The following RORA variants were observed in gnomAD, a reference collection of about 807,000 sequenced individuals.
RORA encodes RAR related orphan receptor A, also known as nuclear receptor ROR-alpha.
A neutral mutation model predicts 69.5 loss-of-function variants in RORA; 7 were observed. The ratio of observed to expected loss-of-function variants is 0.10; its 90% CI spans 0.06 to 0.19. The LOEUF is 0.19. Ranked by LOEUF, RORA falls within the 10% of genes least tolerant of loss-of-function variation. RORA has a pLI of 1.00. For missense variants in RORA, 457 were observed against 663.0 expected (o/e 0.69, Z 3.41); for synonymous variants, 261 against 240.8 (o/e 1.08, Z -0.78).
At chr15:60,892,098 G>T (rs2073818772) in intron 1 of RORA, among the ~76,000 whole-genome samples, 2 of 152,234 alleles carry the variant, frequency 1.3e-5, no homozygotes, top group African/African-American at 4.8e-5. Flanking sequence ...GACTGCTGCA[G>T]TCAGTTACGG....
intron 2 of RORA, among the ~76,000 whole-genome samples, chr15:60,570,828 T>G (rs2067858490): frequency 1.3e-5 from 2 of 152,186 alleles, no homozygotes; most frequent in African/African-American, 2.4e-5. Flanking sequence ...GCTTTGCTGC[T>G]AAGTGTGTGA....
At chr15:61,191,812 C>T (rs979454047) in intron 1 of RORA, among the ~76,000 whole-genome samples, 4 of 152,164 alleles carry the variant, frequency 2.6e-5, no homozygotes, top group South Asian at 4.1e-4. Context: ...TCTGTAGTCT[C>T]GCATCTGTTC....
chr15:60,658,162 C>G (rs920403516), intron 2 of RORA, among the ~76,000 whole-genome samples: 7 of 151,854 alleles, frequency 4.6e-5, no homozygotes, highest in African/African-American at 1.5e-4. Flanking sequence ...ATCACTGCAG[C>G]CTCTGCCTCC....
intron 1 of RORA, 144 bp downstream of exon 1, chr15:61,228,909 A>AG (rs944237650): frequency 1.2e-4 from 20 of 165,452 alleles, no homozygotes; most frequent in Non-Finnish European, 1.6e-4. Context: ...GGGGGAGGGG[A>AG]GGGGGGTCCT....
intron 1 of RORA, among the ~76,000 whole-genome samples, chr15:60,755,056 C>T (rs1423937593): frequency 2.0e-5 from 3 of 149,808 alleles, no homozygotes; most frequent in African/African-American, 7.4e-5. Flanking sequence ...CATATGTATA[C>T]ATGTGCCATG....
chr15:61,011,372 T>TA (rs1466466050), intron 1 of RORA, among the ~76,000 whole-genome samples: 1 of 152,214 alleles, frequency 6.6e-6, no homozygotes, highest in Non-Finnish European at 1.5e-5. Context: ...GGAACTCTAA[T>TA]AATGATATCC....
rs116560363 is a variant in RORA at position 60,742,258 on chromosome 15, A to C, written c.167-63572T>G. ...TAACTTCAATGTTTGAGTGATTATA[A>C]AAATGTTATATGCTCACTTAAACAG... On this transcript the variant is annotated intron_variant, in intron 1 of 10. Transcript: ENST00000335670. Among the ~76,000 whole-genome samples, 564 of 152,340 alleles carry C rather than the reference A, an allele frequency of 3.7e-3. 4 individuals are homozygous for C. The highest frequency in any genetic ancestry group is 0.012 in the African/African-American group (505 of 41,572).
intron 2 of RORA, among the ~76,000 whole-genome samples, chr15:60,576,212 C>T (rs896665095): frequency 2.0e-5 from 3 of 152,224 alleles, no homozygotes; most frequent in Non-Finnish European, 4.4e-5. Context: ...TTCAGCCTAT[C>T]CCTTTAACTG....
intron 1 of RORA, among the ~76,000 whole-genome samples, chr15:60,875,216 C>T (rs554179082): frequency 6.6e-6 from 1 of 152,132 alleles, no homozygotes; most frequent in South Asian, 2.1e-4. Flanking sequence ...GTGCCTGGTA[C>T]ATAGTTGATG....
chr15:60,864,915 C>T (rs1482058), intron 1 of RORA, among the ~76,000 whole-genome samples: 69,753 of 151,952 alleles, frequency 0.46, 16,492 homozygotes, highest in South Asian at 0.52. Context: ...GGGATTTGTT[C>T]CACATTTGGT....
chr15:60,711,664 T>C (rs1485966908), intron 1 of RORA, among the ~76,000 whole-genome samples: 1 of 152,206 alleles, frequency 6.6e-6, no homozygotes, highest in Non-Finnish European at 1.5e-5. Context: ...TAAATTCGAT[T>C]GCATCTATCC....
chr15:60,946,605 T>C (rs111519828), intron 1 of RORA, among the ~76,000 whole-genome samples: 3,913 of 152,238 alleles, frequency 0.026, 158 homozygotes, highest in African/African-American at 0.09. Flanking sequence ...AGTGGCGTGA[T>C]CTCGGGTAGC....
intron 2 of RORA, among the ~76,000 whole-genome samples, chr15:60,540,287 A>C (rs1373196974): frequency 6.6e-6 from 1 of 152,182 alleles, no homozygotes; most frequent in Non-Finnish European, 1.5e-5. Context: ...CTTTGCTTTC[A>C]TTGCTCAAGG....
chr15:61,179,928 G>C (rs1366017017), intron 1 of RORA, among the ~76,000 whole-genome samples: 1 of 151,774 alleles, frequency 6.6e-6, no homozygotes, highest in Non-Finnish European at 1.5e-5. Context: ...CCTGAGGTCA[G>C]GAGTTCGAGA....
At chr15:60,975,894 A>G (rs1893860592) in intron 1 of RORA, among the ~76,000 whole-genome samples, 2 of 152,120 alleles carry the variant, frequency 1.3e-5, no homozygotes, top group African/African-American at 4.8e-5. Flanking sequence ...CTCAGTTCCA[A>G]CTCTCAGCTA....
At chr15:60,912,867 T>A (rs530941387) in intron 1 of RORA, among the ~76,000 whole-genome samples, 1 of 152,162 alleles carries the variant, frequency 6.6e-6, no homozygotes, top group South Asian at 2.1e-4. Flanking sequence ...GATTTAAAAA[T>A]TTTTTACAAC....
Position 60,678,682 on chromosome 15 carries a change from G to A in RORA, c.171C>T (p.Ile57=). 6.2e-7 allele frequency: 1 copy of A among 1,612,278 alleles called. No individual in the cohort carries two copies. The highest frequency in any genetic ancestry group is 8.5e-7 in the Non-Finnish European group (1 of 1,178,318). The change falls in exon 2 of 11, where the codon ATC becomes ATT. Residue 57 remains isoleucine, a synonymous_variant. Transcript: ENST00000335670. ...RQSYSSTSRG[I]SVTKKTHTSQ... ...ATGTATGTGTCTTCTTCGTTACTGA[G>A]ATACCTGGAAGAGAAGAAACAATAA...
intron 2 of RORA, among the ~76,000 whole-genome samples, chr15:60,656,066 T>C (rs957760469): frequency 1.3e-5 from 2 of 152,314 alleles, no homozygotes; most frequent in African/African-American, 4.8e-5. Flanking sequence ...TTTTGAGATA[T>C]AGGTTCAGAG....
intron 1 of RORA, among the ~76,000 whole-genome samples, chr15:61,054,274 T>C (rs1319862144): frequency 1.4e-5 from 2 of 146,006 alleles, no homozygotes; most frequent in Admixed American, 1.4e-4. Context: ...ACAGAAAGAA[T>C]AAGATGGGAA....
Sources: gnomAD v4.1 joint callset for allele counts (sites outside exome capture counted in the v4.1 genomes callset) on GRCh38, gnomAD v4.1.1 for gene constraint, MANE v1.5 for transcripts, NCBI Gene and HGNC (gene_info 2026-07-23, HGNC 2026-07-21) for gene names.